FGD6: variants seen among roughly 807,000 people sequenced by gnomAD.
The protein encoded by FGD6 is FYVE, RhoGEF and PH domain containing 6, also known as FYVE, RhoGEF and PH domain-containing protein 6.
A neutral mutation model predicts 149.4 loss-of-function variants in FGD6; 90 were observed. The observed-to-expected ratio is 0.60, with a 90% CI of 0.51 to 0.72. The LOEUF (loss-of-function observed/expected upper bound fraction) is 0.72, where lower values mean the gene tolerates loss of function less well. Ranked by LOEUF, FGD6 falls within the 30% of genes least tolerant of loss-of-function variation. The pLI, the probability that FGD6 is intolerant of heterozygous loss-of-function variation, is 0.00. For missense variants in FGD6, 1,437 were observed against 1,684.8 expected (o/e 0.85, Z 2.57); for synonymous variants, 527 against 584.0 (o/e 0.90, Z 1.41).
rs561126801 is a variant in FGD6 at position 95,201,908 on chromosome 12, G to C, written c.2441+6935C>G. On this transcript the variant is annotated intron_variant, in intron 2 of 20. Transcript: ENST00000343958. The stretch of plus-strand genomic sequence containing the variant: ...GCAATCTTTTATTCTCCCAAAGTGT[G>C]CAAATTTCAGCTATCTCAAAAAAAT... Among the ~76,000 whole-genome samples the C allele has an allele frequency of 1.3e-4, 19 of 151,596 alleles. No individual in the cohort carries two copies. In the South Asian group the frequency reaches 4.0e-3, roughly 32 times the overall value.
chr12:95,081,473 T>A lies in FGD6; in HGVS notation c.*47A>T, dbSNP rs1790736247. On this transcript the variant is annotated 3_prime_UTR_variant, in exon 21 of 21. Transcript: ENST00000343958. ...TTGAATTGCATTTACTCCATTCTGATGAAATTCCACCTCTTTGGAATCACA... is the reference window on the plus strand; with the variant it reads ...TTGAATTGCATTTACTCCATTCTGAAGAAATTCCACCTCTTTGGAATCACA... 6.5e-7 allele frequency: 1 copy of A among 1,548,022 alleles called. No individual in the cohort carries two copies. Among genetic ancestry groups the A allele is most frequent in the Admixed American group, 1.8e-5 (1 of 56,394 alleles).
chr12:95,147,636 GAAC>G (rs1266668869), intron 5 of FGD6, among the ~76,000 whole-genome samples: 21 of 152,112 alleles, frequency 1.4e-4, no homozygotes, highest in Non-Finnish European at 8.8e-5. Context: ...AATTGCTAAA[GAAC>G]AACTAAGTAC....
chr12:95,189,945 C>CT (rs1347997177), intron 2 of FGD6, among the ~76,000 whole-genome samples: 2 of 152,178 alleles, frequency 1.3e-5, no homozygotes, highest in African/African-American at 4.8e-5. Flanking sequence ...TTAGTACTAA[C>CT]TTTCATTGTA....
chr12:95,143,588 T>C (rs1879921411), intron 5 of FGD6, among the ~76,000 whole-genome samples: 1 of 152,170 alleles, frequency 6.6e-6, no homozygotes, highest in African/African-American at 2.4e-5. Context: ...TTATAAGCTC[T>C]AATCCAGAAA....
chr12:95,209,566 A>G lies in FGD6; in HGVS notation c.1718T>C (p.Ile573Thr). ...EKPVWKLPHP[I>T]LPFSGNPEFL... ...TTCTGGGTTCCCTGAAAAGGGTAAA[A>G]TAGGATGAGGTAACTTCCACACTGG... The change falls in exon 2 of 21, where the codon ATT (isoleucine) becomes ACT (threonine). Residue 573 changes from isoleucine to threonine, a missense_variant. This residue lies in a region of FGD6 where 1,055 missense variants were observed against 1,146.0 expected (regional missense o/e 0.92). Coordinates refer to ENST00000343958, the MANE Select transcript of FGD6 (RefSeq NM_018351.4). The G allele has an allele frequency of 6.2e-7, 1 of 1,614,138 alleles. No homozygotes were observed. Among genetic ancestry groups the G allele is most frequent in the Non-Finnish European group, 8.5e-7 (1 of 1,180,024 alleles).
At chr12:95,196,995 A>C (rs953815217) in intron 2 of FGD6, among the ~76,000 whole-genome samples, 17 of 152,208 alleles carry the variant, frequency 1.1e-4, no homozygotes, top group African/African-American at 3.9e-4. Context: ...CCTTGGAAGT[A>C]GATTCAGCAA....
chr12:95,090,070 A>T (rs901223086), intron 17 of FGD6, among the ~76,000 whole-genome samples: 3 of 152,132 alleles, frequency 2.0e-5, no homozygotes, highest in African/African-American at 7.2e-5. Flanking sequence ...AAAGCAGCTT[A>T]AAAAAGGGGG....
chr12:95,172,704 C>T lies in FGD6; in HGVS notation c.2482G>A (p.Gly828Ser). The T allele has an allele frequency of 1.2e-6, 2 of 1,612,674 alleles. No individual in the cohort carries two copies. The highest frequency in any genetic ancestry group is 1.7e-6 in the Non-Finnish European group (2 of 1,179,292). Residue 828 changes from glycine (G) to serine (S), a missense_variant, in exon 3 of 21, where the codon GGT becomes AGT. Coordinates refer to ENST00000343958, the MANE Select transcript of FGD6 (RefSeq NM_018351.4). Reference sequence around the variant, plus strand: ...TCCTCCTCATCAGAGGGAAGGTCACCAAGACCAAGATCATTCTGTTCCTCC... The same window carrying T: ...TCCTCCTCATCAGAGGGAAGGTCACTAAGACCAAGATCATTCTGTTCCTCC... Reference protein sequence around the residue: ...SQEEQNDLGLGDLPSDEEEII... With the variant: ...SQEEQNDLGLSDLPSDEEEII...
intron 14 of FGD6, 116 bp from the exon 15 acceptor site, chr12:95,094,810 A>G (rs1592828122): frequency 1.4e-6 from 1 of 718,192 alleles, no homozygotes; most frequent in East Asian, 2.5e-5. Context: ...ACCAGTCAAA[A>G]AAGTAGCAAC....
intron 3 of FGD6, among the ~76,000 whole-genome samples, chr12:95,165,784 T>C (rs1266559826): frequency 1.3e-5 from 2 of 151,858 alleles, no homozygotes; most frequent in Non-Finnish European, 2.9e-5. Flanking sequence ...ACTACAGGCA[T>C]GAACCACCAT....
At chr12:95,134,221 T>A (rs1387176362) in intron 8 of FGD6, among the ~76,000 whole-genome samples, 1 of 152,054 alleles carries the variant, frequency 6.6e-6, no homozygotes. Flanking sequence ...CCTCAGCCTC[T>A]CCAGTAGCTG....
At chr12:95,190,051 G>A (rs1881544607) in intron 2 of FGD6, among the ~76,000 whole-genome samples, 1 of 150,486 alleles carries the variant, frequency 6.6e-6, no homozygotes, top group Non-Finnish European at 1.5e-5. Context: ...ATTGAGAAAA[G>A]ATGTACTATA....
chr12:95,081,286 C>G lies in FGD6; in HGVS notation c.*234G>C. The G allele has an allele frequency of 2.8e-6, 1 of 359,404 alleles. No individual in the cohort carries two copies. Among genetic ancestry groups the G allele is most frequent in the Non-Finnish European group, 5.1e-6 (1 of 196,936 alleles). 22.3% of individuals were successfully genotyped at this position (359,404 alleles called of 1,614,324 possible). On this transcript the variant is annotated 3_prime_UTR_variant, in exon 21 of 21. Coordinates refer to ENST00000343958, the MANE Select transcript of FGD6 (RefSeq NM_018351.4). ...AATGGTACTTTAGAATTCAGTGTGTCTCAGAAATAATTCTGACCATTAAGT... is the reference window on the plus strand; with the variant it reads ...AATGGTACTTTAGAATTCAGTGTGTGTCAGAAATAATTCTGACCATTAAGT...
chr12:95,170,837 T>C (rs1215803775), intron 3 of FGD6, among the ~76,000 whole-genome samples: 1 of 152,228 alleles, frequency 6.6e-6, no homozygotes, highest in African/African-American at 2.4e-5. Flanking sequence ...AAGGAATTAC[T>C]TGATAGTCAA....
intron 7 of FGD6, among the ~76,000 whole-genome samples, chr12:95,136,510 T>G (rs924845058): frequency 6.6e-6 from 1 of 152,198 alleles, no homozygotes; most frequent in Non-Finnish European, 1.5e-5. Context: ...TGGAGGGGAC[T>G]TGTGATTTTA....
intron 8 of FGD6, chr12:95,126,493 C>A: frequency 1.8e-6 from 1 of 565,150 alleles, no homozygotes. Flanking sequence ...CCGTGGGAGG[C>A]TGAGGCAGGT....
intron 8 of FGD6, among the ~76,000 whole-genome samples, chr12:95,131,328 C>T (rs1359196014): frequency 1.3e-5 from 2 of 151,908 alleles, no homozygotes; most frequent in Non-Finnish European, 2.9e-5. Context: ...AGGCTGGTCT[C>T]GAACTCCTGA....
intron 9 of FGD6, among the ~76,000 whole-genome samples, chr12:95,111,354 T>C (rs1352124547): frequency 6.6e-6 from 1 of 152,228 alleles, no homozygotes; most frequent in Non-Finnish European, 1.5e-5. Flanking sequence ...CTCATCTATG[T>C]CTTTGCTGTC....
At chr12:95,151,919 C>T (rs886399515) in intron 5 of FGD6, among the ~76,000 whole-genome samples, 3 of 152,154 alleles carry the variant, frequency 2.0e-5, no homozygotes, top group African/African-American at 7.2e-5. Flanking sequence ...AGCACTTTAA[C>T]TGTCAATGCA....
Sources: gnomAD v4.1 joint callset for allele counts (sites outside exome capture counted in the v4.1 genomes callset) on GRCh38, gnomAD v4.1.1 for gene constraint, gnomAD v4.1.1 regional missense constraint, MANE v1.5 for transcripts, NCBI Gene and HGNC (gene_info 2026-07-23, HGNC 2026-07-21) for gene names.